Variants in GPC6 observed in about 807,000 individuals in gnomAD.
GPC6 encodes glypican-6.
In GPC6, 14 loss-of-function variants were observed where a neutral mutation model predicts 55.2. The observed-to-expected ratio is 0.25, with a 90% confidence interval of 0.17 to 0.40. The LOEUF is 0.40. Among genes scored for constraint, GPC6 ranks in the 10% least tolerant of loss-of-function variants. The pLI is 1.00. For missense variants in GPC6, 641 were observed against 708.5 expected (o/e 0.90, Z 1.08); for synonymous variants, 278 against 259.6 (o/e 1.07, Z -0.68).
intron 3 of GPC6, among the ~76,000 whole-genome samples, chr13:93,970,831 G>T (rs1195349246): frequency 2.0e-5 from 3 of 152,162 alleles, no homozygotes; most frequent in African/African-American, 7.2e-5. Flanking sequence ...AAGGAAAGAT[G>T]TGCAGAAGCT....
intron 2 of GPC6, among the ~76,000 whole-genome samples, chr13:93,555,049 T>G (rs1875384051): frequency 6.6e-6 from 1 of 152,146 alleles, no homozygotes; most frequent in Admixed American, 6.5e-5. Context: ...TAGCAGGAAA[T>G]CGGGGCTCCA....
intron 3 of GPC6, among the ~76,000 whole-genome samples, chr13:93,880,217 A>G (rs953008759): frequency 6.6e-6 from 1 of 151,232 alleles, no homozygotes; most frequent in Non-Finnish European, 1.5e-5. Context: ...ATTACTGGGT[A>G]TATACCCAAA....
chr13:94,144,286 T>C (rs1480198756), intron 4 of GPC6, among the ~76,000 whole-genome samples: 1 of 152,010 alleles, frequency 6.6e-6, no homozygotes, highest in Non-Finnish European at 1.5e-5. Context: ...CATTATCTTT[T>C]TCCAATTCAT....
At chr13:93,224,491 G>A (rs139833179), upstream of GPC6, among the ~76,000 whole-genome samples, 1 of 152,282 alleles carries the variant, frequency 6.6e-6, no homozygotes, top group East Asian at 1.9e-4. Flanking sequence ...ACCGTGCCTG[G>A]CCTCGTTTGC....
chr13:93,981,174 A>G (rs1364000758), intron 3 of GPC6, among the ~76,000 whole-genome samples: 2 of 152,280 alleles, frequency 1.3e-5, no homozygotes, highest in East Asian at 1.9e-4. Flanking sequence ...ATCGTTGATC[A>G]CTGATTTCAG....
chr13:93,602,297 T>A (rs527427885), intron 2 of GPC6, among the ~76,000 whole-genome samples: 4 of 152,314 alleles, frequency 2.6e-5, no homozygotes, highest in Non-Finnish European at 5.9e-5. Flanking sequence ...CCAATACAAA[T>A]ACTGTTTTGG....
chr13:93,974,142 G>T (rs778813178), intron 3 of GPC6, among the ~76,000 whole-genome samples: 2 of 152,182 alleles, frequency 1.3e-5, no homozygotes, highest in African/African-American at 4.8e-5. Context: ...CTTTTGGCAG[G>T]TTCCCCTGCC....
chr13:93,515,205 G>A lies in GPC6; in HGVS notation c.161-30058G>A, dbSNP rs79846827. 2.4e-3 allele frequency among the ~76,000 whole-genome samples: 370 copies of A among 152,174 alleles called. 1 individual carries two copies. Among genetic ancestry groups the A allele is most frequent in the African/African-American group, 8.7e-3 (363 of 41,520 alleles). ...TGGTCATCTTTAAATCAGGCGAAGG[G>A]TCCTCACTAGATGCCAAATCTGCTG... On this transcript the variant is annotated intron_variant, in intron 1 of 8. Transcript: ENST00000377047.
intron 3 of GPC6, among the ~76,000 whole-genome samples, chr13:93,922,782 A>C (rs956081065): frequency 2.6e-5 from 4 of 152,194 alleles, no homozygotes; most frequent in Admixed American, 2.0e-4. Context: ...TTCTCATTCC[A>C]AAACTCCTCC....
intron 1 of GPC6, among the ~76,000 whole-genome samples, chr13:93,534,797 T>C (rs1424450125): frequency 2.6e-5 from 4 of 152,178 alleles, no homozygotes; most frequent in Non-Finnish European, 5.9e-5. Context: ...TTGAGCTCAT[T>C]CTGCAACTTC....
chr13:93,788,232 T>C (rs1885875644), intron 2 of GPC6, among the ~76,000 whole-genome samples: 1 of 152,152 alleles, frequency 6.6e-6, no homozygotes, highest in South Asian at 2.1e-4. Context: ...GGTGCGTTGA[T>C]ACTGCATCTT....
At chr13:93,642,082 G>A (rs908642297) in intron 2 of GPC6, among the ~76,000 whole-genome samples, 11 of 152,022 alleles carry the variant, frequency 7.2e-5, no homozygotes, top group African/African-American at 2.2e-4. Flanking sequence ...GGTTTGGGGT[G>A]TGATTGAACT....
At chr13:93,408,983 T>G (rs1304661472) in intron 1 of GPC6, among the ~76,000 whole-genome samples, 1 of 152,174 alleles carries the variant, frequency 6.6e-6, no homozygotes, top group Non-Finnish European at 1.5e-5. Flanking sequence ...TACTTCAATC[T>G]GAGGACAGTA....
At chr13:94,062,829 T>C (rs1884379776) in intron 4 of GPC6, among the ~76,000 whole-genome samples, 1 of 152,218 alleles carries the variant, frequency 6.6e-6, no homozygotes, top group African/African-American at 2.4e-5. Context: ...CATCACTCAG[T>C]ACCTTACATA....
At chr13:93,923,695 G>C (rs1186086802) in intron 3 of GPC6, among the ~76,000 whole-genome samples, 2 of 152,172 alleles carry the variant, frequency 1.3e-5, no homozygotes, top group East Asian at 1.9e-4. Flanking sequence ...TCGCTATTCA[G>C]ATAGAAGATT....
At chr13:94,282,800 G>C (rs755433365) in intron 4 of GPC6, among the ~76,000 whole-genome samples, 5 of 152,172 alleles carry the variant, frequency 3.3e-5, no homozygotes, top group Non-Finnish European at 7.3e-5. Flanking sequence ...ACAGAAAGTG[G>C]TCTCTTAAAT....
intron 1 of GPC6, among the ~76,000 whole-genome samples, chr13:93,349,987 T>C (rs1880573687): frequency 6.6e-6 from 1 of 152,232 alleles, no homozygotes; most frequent in Non-Finnish European, 1.5e-5. Context: ...GTATGTGTTA[T>C]TGTGTTTTTA....
intron 2 of GPC6, among the ~76,000 whole-genome samples, chr13:93,829,322 G>A (rs1422954979): frequency 2.0e-5 from 3 of 152,146 alleles, no homozygotes; most frequent in Non-Finnish European, 4.4e-5. Flanking sequence ...GGGCCAGTGA[G>A]GCTAATGATA....
In GPC6 at chr13:93,369,661, G is replaced by T. The variant is rs139313652; in HGVS notation, c.160+142045G>T. Among the ~76,000 whole-genome samples the T allele has an allele frequency of 2.5e-4, 38 of 152,200 alleles. No homozygotes were observed. The East Asian group carries it at 6.8e-3, about 27-fold the overall frequency. On this transcript the variant is annotated intron_variant, in intron 1 of 8. Transcript: ENST00000377047. ...AGCAGAATTAGAAGCTCAAAAGTAT[G>T]CTGAGTTTGTTCACATTTGCTATTG...
Sources: allele counts gnomAD v4.1 joint callset (sites outside exome capture counted in the v4.1 genomes callset), GRCh38; gene constraint gnomAD v4.1.1; transcripts MANE v1.5; gene names NCBI Gene and HGNC (gene_info 2026-07-23, HGNC 2026-07-21).